LRCH1: variants seen among roughly 807,000 people sequenced by gnomAD.
LRCH1 encodes the protein leucine-rich repeat and calponin homology domain-containing protein 1.
A neutral mutation model predicts 94.9 loss-of-function variants in LRCH1; 23 were observed. That is an observed-to-expected ratio of 0.24 (90% confidence interval 0.17 to 0.34). The LOEUF is 0.34. Ranked by LOEUF, LRCH1 falls within the 10% of genes least tolerant of loss-of-function variation. The probability of loss-of-function intolerance (pLI) is 1.00; values close to 1 mark genes in which losing one functional copy is unlikely to be tolerated. For missense variants in LRCH1, 790 were observed against 945.9 expected (o/e 0.84, Z 2.16); for synonymous variants, 364 against 354.9 (o/e 1.03, Z -0.29).
chr13:46,633,521 T>C (rs982704325), intron 1 of LRCH1, among the ~76,000 whole-genome samples: 2 of 152,244 alleles, frequency 1.3e-5, no homozygotes, highest in African/African-American at 4.8e-5. Flanking sequence ...TAGGACTTCC[T>C]GCCCTAGCCC....
At chr13:46,710,756 T>G (rs1381172266) in intron 13 of LRCH1, among the ~76,000 whole-genome samples, 4 of 152,194 alleles carry the variant, frequency 2.6e-5, no homozygotes, top group African/African-American at 9.7e-5. Flanking sequence ...ATCTTAAATG[T>G]ACAATAATTT....
chr13:46,595,170 G>C (rs1008755992), intron 1 of LRCH1, among the ~76,000 whole-genome samples: 5 of 152,018 alleles, frequency 3.3e-5, no homozygotes, highest in African/African-American at 4.8e-5. Flanking sequence ...CATACCCATC[G>C]AGAACCCTAT....
At chr13:46,703,092 C>T (rs7990614) in intron 11 of LRCH1, among the ~76,000 whole-genome samples, 36,734 of 152,064 alleles carry the variant, frequency 0.24, 5,910 homozygotes, top group African/African-American at 0.46. Context: ...TTCTACATCC[C>T]AAGCCGGGGC....
At chr13:46,724,209 C>T (rs1194215652) in intron 17 of LRCH1, among the ~76,000 whole-genome samples, 1 of 152,062 alleles carries the variant, frequency 6.6e-6, no homozygotes, top group Non-Finnish European at 1.5e-5. Flanking sequence ...AGCCACCGCA[C>T]CCAGCTGAAT....
chr13:46,703,889 A>G (rs1871615519), intron 11 of LRCH1, among the ~76,000 whole-genome samples: 1 of 146,134 alleles, frequency 6.8e-6, no homozygotes, highest in South Asian at 2.1e-4. Flanking sequence ...AAGGAAATAT[A>G]TTAAAATGGA....
rs550104841 is a variant in LRCH1 at position 46,583,176 on chromosome 13, A to C, written c.307+29473A>C. Among the ~76,000 whole-genome samples, 5 of 152,346 alleles carry C rather than the reference A, an allele frequency of 3.3e-5. No homozygotes were observed. The South Asian group carries it at 1.0e-3, about 32-fold the overall frequency. On this transcript the variant is annotated intron_variant, in intron 1 of 19. Coordinates refer to ENST00000389797, the MANE Select transcript of LRCH1 (RefSeq NM_001164211.2). ...CATTAAATGCTTAATTTTGACAGTT[A>C]CCAAAACAAGTCGATTCTAGCTTTC...
intron 1 of LRCH1, among the ~76,000 whole-genome samples, chr13:46,563,150 G>A (rs1308329172): frequency 2.0e-5 from 3 of 152,170 alleles, no homozygotes; most frequent in African/African-American, 7.2e-5. Context: ...ATTAGCAAAT[G>A]AAAAACTAAT....
chr13:46,642,594 A>G (rs1286769542), intron 1 of LRCH1, among the ~76,000 whole-genome samples: 1 of 152,236 alleles, frequency 6.6e-6, no homozygotes, highest in Non-Finnish European at 1.5e-5. Flanking sequence ...ATTGTATCAG[A>G]AACTAGCTGA....
At chr13:46,640,578 C>T (rs1009835189) in intron 1 of LRCH1, among the ~76,000 whole-genome samples, 17 of 152,110 alleles carry the variant, frequency 1.1e-4, no homozygotes, top group African/African-American at 4.1e-4. Context: ...ATATTAGGGA[C>T]CTGGTCAGAG....
intron 1 of LRCH1, among the ~76,000 whole-genome samples, chr13:46,586,145 T>C (rs2050432923): frequency 6.6e-6 from 1 of 152,180 alleles, no homozygotes; most frequent in Non-Finnish European, 1.5e-5. Flanking sequence ...CAGTCTAGCA[T>C]CTAGAAAAAG....
intron 7 of LRCH1, 82 bp from the exon 8 acceptor site, chr13:46,692,453 GA>G: frequency 1.1e-6 from 1 of 944,268 alleles, no homozygotes. Flanking sequence ...AGAATCACAG[GA>G]TGTTGTTTTA....
intron 1 of LRCH1, among the ~76,000 whole-genome samples, chr13:46,569,236 G>C (rs941645003): frequency 3.9e-5 from 6 of 152,174 alleles, no homozygotes; most frequent in Non-Finnish European, 7.4e-5. Flanking sequence ...GGAGTCCAAT[G>C]TTGAAAGCAT....
intron 1 of LRCH1, among the ~76,000 whole-genome samples, chr13:46,619,064 TTTCCTTCCTTCCTTCC>T (rs764734614): frequency 2.6e-4 from 30 of 114,652 alleles, no homozygotes; most frequent in East Asian, 6.3e-4. Context: ...TCTTTTCTTT[TTTCCTTCCTTCCTTCC>T]TTCCTTCCTT....
chr13:46,606,792 G>T (rs571002819), intron 1 of LRCH1, among the ~76,000 whole-genome samples: 1 of 152,242 alleles, frequency 6.6e-6, no homozygotes, highest in Admixed American at 6.5e-5. Flanking sequence ...GGCTGGTCTC[G>T]AACTCCTGAC....
At chr13:46,713,883 A>G (rs1305733421) in intron 15 of LRCH1, among the ~76,000 whole-genome samples, 2 of 152,216 alleles carry the variant, frequency 1.3e-5, no homozygotes, top group East Asian at 3.8e-4. Flanking sequence ...TGAGCTGCAG[A>G]CTGTCTCCTA....
chr13:46,732,627 T>A (rs1873165238), intron 18 of LRCH1, among the ~76,000 whole-genome samples: 1 of 152,192 alleles, frequency 6.6e-6, no homozygotes, highest in South Asian at 2.1e-4. Flanking sequence ...CAGAAAAGAC[T>A]CACCTAAATC....
intron 1 of LRCH1, among the ~76,000 whole-genome samples, chr13:46,614,393 T>C (rs1421787902): frequency 2.0e-5 from 3 of 152,028 alleles, no homozygotes; most frequent in Non-Finnish European, 4.4e-5. Flanking sequence ...AGAAAGAATA[T>C]GAAAAGGACT....
At position 46,573,858 on chromosome 13, in the gene LRCH1, ATATATATAT is replaced by A. The variant is rs529746994; in HGVS notation, c.307+20157_307+20165del. Among the ~76,000 whole-genome samples the A allele has an allele frequency of 5.3e-3, 389 of 73,628 alleles. 12 individuals carry two copies. The highest frequency in any genetic ancestry group is 0.051 in the South Asian group (134 of 2,616). The allele number at this position is 73,628 out of a possible 152,430, so 48.3% of individuals were successfully genotyped here. On this transcript the variant is annotated intron_variant, in intron 1 of 19. Transcript: ENST00000389797. The stretch of plus-strand genomic sequence containing the variant: ...TGACTATAGTCAAATATATATATAT[ATATATATAT>A]TTTTTTTTTTTTTGAGATGGAGTCT...
chr13:46,696,745 T>C (rs886204010), intron 9 of LRCH1, among the ~76,000 whole-genome samples: 14 of 152,216 alleles, frequency 9.2e-5, no homozygotes. Flanking sequence ...AGGCCCGTAT[T>C]AGGCTTGATA....
Sources: allele counts gnomAD v4.1 joint callset (sites outside exome capture counted in the v4.1 genomes callset), GRCh38; gene constraint gnomAD v4.1.1; transcripts MANE v1.5; gene names NCBI Gene and HGNC (gene_info 2026-07-23, HGNC 2026-07-21).